The following PTPN18 variants were observed in gnomAD, a reference collection of about 807,000 sequenced individuals.
The protein encoded by PTPN18 is tyrosine-protein phosphatase non-receptor type 18.
Under a neutral mutation model 65.4 loss-of-function variants are expected in PTPN18, and 65 were observed. That is an observed-to-expected ratio of 0.99 (90% CI 0.81 to 1.22). The LOEUF is 1.22. PTPN18 is among the 50% of genes most tolerant of loss of function. The pLI is 0.00. For missense variants in PTPN18, 616 were observed against 646.5 expected (o/e 0.95, Z 0.51); for synonymous variants, 255 against 267.8 (o/e 0.95, Z 0.47).
chr2:130,370,338 G>C, intron 8 of PTPN18, 148 bp downstream of exon 8: 1 of 1,267,920 alleles, frequency 7.9e-7, no homozygotes, highest in Non-Finnish European at 1.1e-6. Context: ...GTGAGCACTT[G>C]TTCAGCACAG....
At chr2:130,361,922 C>G (rs1160381526) in intron 5 of PTPN18, among the ~76,000 whole-genome samples, 6 of 151,726 alleles carry the variant, frequency 4.0e-5, no homozygotes, top group African/African-American at 7.3e-5. Context: ...TGTCTTTTCC[C>G]ATTCTTTTAC....
intron 5 of PTPN18, among the ~76,000 whole-genome samples, chr2:130,366,847 T>C (rs532473762): frequency 3.9e-5 from 6 of 152,090 alleles, no homozygotes; most frequent in East Asian, 3.9e-4. Flanking sequence ...ATTTAAGAGA[T>C]AGGGTCTCAC....
At chr2:130,356,971 G>A (rs1432701350) in intron 1 of PTPN18, among the ~76,000 whole-genome samples, 2 of 152,070 alleles carry the variant, frequency 1.3e-5, no homozygotes, top group Admixed American at 6.5e-5. Flanking sequence ...TGGGAGGATC[G>A]CTTGAGCTCA....
intron 7 of PTPN18, 87 bp downstream of exon 7, chr2:130,369,914 C>G (rs1398470622): frequency 1.4e-5 from 21 of 1,537,820 alleles, no homozygotes; most frequent in South Asian, 3.4e-5. Flanking sequence ...ATACTAGTAC[C>G]CACTTCCTCA....
intron 1 of PTPN18, among the ~76,000 whole-genome samples, chr2:130,358,625 C>T (rs1680071087): frequency 6.6e-6 from 1 of 152,090 alleles, no homozygotes; most frequent in African/African-American, 2.4e-5. Context: ...ATAATAGTAC[C>T]CACGTCGTAG....
At chr2:130,368,295 T>C (rs918812394) in intron 5 of PTPN18, among the ~76,000 whole-genome samples, 24 of 152,278 alleles carry the variant, frequency 1.6e-4, no homozygotes, top group African/African-American at 5.8e-4. Context: ...GCTTGATATT[T>C]TGAATTTTGC....
In PTPN18 at chr2:130,374,334, A is replaced by T; in HGVS notation, c.*1110A>T. On this transcript the variant is annotated 3_prime_UTR_variant, in exon 15 of 15. Coordinates refer to ENST00000175756, the MANE Select transcript of PTPN18 (RefSeq NM_014369.4). ...GCCGAGTAGCTGGGACTACAGGTCT[A>T]ATTTTTTTTTTTTTTAAGAAATGAG... The T allele has an allele frequency of 4.0e-6, 1 of 249,070 alleles. No homozygotes were observed. Among genetic ancestry groups the T allele is most frequent in the Non-Finnish European group, 8.1e-6 (1 of 123,150 alleles). The allele number at this position is 249,070 out of a possible 1,614,324, so 15.4% of individuals were successfully genotyped here.
intron 1 of PTPN18, 142 bp from the exon 2 acceptor site, chr2:130,358,725 G>T: frequency 1.5e-6 from 1 of 657,166 alleles, no homozygotes; most frequent in Non-Finnish European, 2.7e-6. Context: ...TTATTAGGCA[G>T]GCCCAGTGCC....
intron 5 of PTPN18, among the ~76,000 whole-genome samples, chr2:130,366,346 C>T (rs182803945): frequency 4.6e-5 from 7 of 152,244 alleles, no homozygotes; most frequent in African/African-American, 9.6e-5. Flanking sequence ...TTTTATGAAA[C>T]GCTGTTGAGT....
In PTPN18 at chr2:130,356,164, C is replaced by T; in HGVS notation, c.57C>T (p.Gly19=). The change falls in exon 1 of 15, where the codon GGC becomes GGT. Residue 19 remains glycine, a synonymous_variant. Transcript: ENST00000175756. ...TCCTGGAGCGGCTGGAAGCGCGGGG[C>T]GGCCGGGAGGGGGCAGTCCTCGCCG... The part of the protein sequence containing the change: ...RSFLERLEAR[G]GREGAVLAGE... The T allele has an allele frequency of 7.6e-7, 1 of 1,313,738 alleles. No individual in the cohort carries two copies. The highest frequency in any genetic ancestry group is 2.2e-5 in the South Asian group (1 of 45,952). 81.4% of individuals were successfully genotyped at this position (1,313,738 alleles called of 1,614,324 possible). A position where few individuals can be genotyped will look rare whatever the true frequency, so the allele number is the denominator to read the frequency against.
chr2:130,371,740 G>C (rs1238572724), intron 12 of PTPN18, among the ~76,000 whole-genome samples: 1 of 152,154 alleles, frequency 6.6e-6, no homozygotes, highest in Non-Finnish European at 1.5e-5. Context: ...GCTTGAGCCC[G>C]GGAGGTGGAG....
chr2:130,367,701 C>A (rs1477046045), intron 5 of PTPN18, among the ~76,000 whole-genome samples: 2 of 152,082 alleles, frequency 1.3e-5, no homozygotes, highest in Admixed American at 1.3e-4. Flanking sequence ...CTTCTTCATT[C>A]TTTTTCAGTA....
At chr2:130,370,490 C>T (rs1680523268) in intron 8 of PTPN18, 67 bp from the exon 9 acceptor site, 1 of 1,579,852 alleles carries the variant, frequency 6.3e-7, no homozygotes, top group Non-Finnish European at 8.7e-7. Context: ...ACCCCCATCC[C>T]CAAATGCCCC....
At chr2:130,369,635 T>C in intron 6 of PTPN18, 130 bp from the exon 7 acceptor site, 2 of 981,854 alleles carry the variant, frequency 2.0e-6, no homozygotes, top group Non-Finnish European at 1.5e-6. Flanking sequence ...GTTTGGGCTA[T>C]ATGAATTTTT....
Position 130,356,115 on chromosome 2 carries a change from G to T in PTPN18, c.8G>T (p.Arg3Leu). ...TTGCTGGCCCGCGGCGCCATGAGCC[G>T]CAGCCTGGACTCGGCGCGGAGCTTC... MS[R>L]SLDSARSFLE... The change falls in exon 1 of 15, where the codon CGC (arginine) becomes CTC (leucine). Residue 3 changes from arginine (R) to leucine (L), a missense_variant. Coordinates refer to ENST00000175756, the MANE Select transcript of PTPN18 (RefSeq NM_014369.4). 7.7e-7 allele frequency: 1 copy of T among 1,304,276 alleles called. No homozygotes were observed. The highest frequency in any genetic ancestry group is 2.2e-5 in the South Asian group (1 of 45,380). 80.8% of individuals were successfully genotyped at this position (1,304,276 alleles called of 1,614,324 possible).
At chr2:130,359,044 C>A in intron 2 of PTPN18, 69 bp downstream of exon 2, 3 of 1,524,930 alleles carry the variant, frequency 2.0e-6, no homozygotes, top group African/African-American at 1.4e-5. Context: ...CGTCAGTGTG[C>A]ACTGGAGTCA....
chr2:130,371,156 C>A (rs1400103156), intron 11 of PTPN18, 43 bp from the exon 12 acceptor site: 1 of 1,522,786 alleles, frequency 6.6e-7, no homozygotes, highest in Non-Finnish European at 9.0e-7. Flanking sequence ...AGAGGCCTGG[C>A]CAGCTTCCTC....
chr2:130,358,355 G>A (rs1430395813), intron 1 of PTPN18, among the ~76,000 whole-genome samples: 1 of 152,224 alleles, frequency 6.6e-6, no homozygotes, highest in Non-Finnish European at 1.5e-5. Flanking sequence ...AGTGCCTATA[G>A]TATCTTGTAC....
At chr2:130,361,705 A>G (rs1338434640) in intron 5 of PTPN18, among the ~76,000 whole-genome samples, 1 of 151,888 alleles carries the variant, frequency 6.6e-6, no homozygotes, top group African/African-American at 2.4e-5. Flanking sequence ...CTCCTGCCTC[A>G]GCCTCTCGAG....
Sources: gnomAD v4.1 joint callset for allele counts (sites outside exome capture counted in the v4.1 genomes callset) on GRCh38, gnomAD v4.1.1 for gene constraint, MANE v1.5 for transcripts, NCBI Gene and HGNC (gene_info 2026-07-23, HGNC 2026-07-21) for gene names.